The following CLOCK variants were observed in gnomAD, a reference collection of about 807,000 sequenced individuals.
CLOCK encodes the protein circadian locomoter output cycles protein kaput.
In CLOCK, 43 loss-of-function variants were observed where a neutral mutation model predicts 118.4. The ratio of observed to expected loss-of-function variants is 0.36; its 90% CI spans 0.28 to 0.47. The LOEUF (loss-of-function observed/expected upper bound fraction) is 0.47, where lower values mean the gene tolerates loss of function less well. Ranked by LOEUF, CLOCK falls within the 20% of genes least tolerant of loss-of-function variation. The pLI is 1.00. For missense variants in CLOCK, 846 were observed against 999.9 expected (o/e 0.85, Z 2.08); for synonymous variants, 326 against 339.2 (o/e 0.96, Z 0.43).
Position 55,428,213 on chromosome 4 carries a change from C to T in CLOCK, c.*7202G>A, listed in dbSNP as rs1420659845. 1 of 151,980 alleles carries T rather than the reference C, an allele frequency of 6.6e-6. No individual in the cohort carries two copies. Among genetic ancestry groups the T allele is most frequent in the African/African-American group, 2.4e-5 (1 of 41,374 alleles). 9.4% of individuals were successfully genotyped at this position (151,980 alleles called of 1,614,324 possible). A position where few individuals can be genotyped will look rare whatever the true frequency, so the allele number is the denominator to read the frequency against. On this transcript the variant is annotated 3_prime_UTR_variant, in exon 23 of 23. Coordinates refer to ENST00000513440, the MANE Select transcript of CLOCK (RefSeq NM_004898.4). Reference sequence around the variant, plus strand: ...GTTTTAAAAGCTATGCACATCATAACCTGGAATAATGATTACACAGCAAGA... The same window carrying T: ...GTTTTAAAAGCTATGCACATCATAATCTGGAATAATGATTACACAGCAAGA...
rs143500433 is a variant in CLOCK, at chr4:55,438,223, T to C, written c.2361+59A>G. The stretch of plus-strand genomic sequence containing the variant: ...ACTCACAAATCTGTTCACTTAATGC[T>C]TAATTTCATTACATGAAAGTAAATG... On this transcript the variant is annotated intron_variant, in intron 22 of 22. Coordinates refer to ENST00000513440, the MANE Select transcript of CLOCK (RefSeq NM_004898.4). 3.8e-6 allele frequency: 6 copies of C among 1,585,122 alleles called. No individual in the cohort carries two copies. The East Asian group carries it at 1.1e-4, about 30-fold the overall frequency.
At chr4:55,519,914 C>A (rs1357159289) in intron 1 of CLOCK, among the ~76,000 whole-genome samples, 1 of 152,154 alleles carries the variant, frequency 6.6e-6, no homozygotes, top group Non-Finnish European at 1.5e-5. Context: ...GATGCTTCTC[C>A]TTGCCAGGAA....
At chr4:55,458,744 G>A (rs567635458) in intron 11 of CLOCK, 148 bp downstream of exon 11, 207 of 636,064 alleles carry the variant, frequency 3.3e-4, no homozygotes, top group African/African-American at 3.2e-3. Context: ...ACAATTTAAT[G>A]AGTGTCTTGA....
intron 1 of CLOCK, among the ~76,000 whole-genome samples, chr4:55,542,249 C>T: frequency 6.6e-6 from 1 of 150,786 alleles, no homozygotes. Flanking sequence ...AGGGCTAAGG[C>T]AGGAGAATCG....
At chr4:55,501,964 TA>T (rs1308025567) in intron 2 of CLOCK, among the ~76,000 whole-genome samples, 1 of 152,210 alleles carries the variant, frequency 6.6e-6, no homozygotes, top group Non-Finnish European at 1.5e-5. Flanking sequence ...AGGGCTTTTA[TA>T]AAACATAACT....
At chr4:55,503,706 G>A (rs1363328871) in intron 2 of CLOCK, among the ~76,000 whole-genome samples, 5 of 151,950 alleles carry the variant, frequency 3.3e-5, no homozygotes, top group African/African-American at 1.2e-4. Context: ...GTAAAGCTAA[G>A]TTCTACATCA....
At chr4:55,490,782 G>A (rs1028782045) in intron 2 of CLOCK, among the ~76,000 whole-genome samples, 24 of 152,018 alleles carry the variant, frequency 1.6e-4, no homozygotes, top group Non-Finnish European at 2.6e-4. Context: ...ATCCACAGTT[G>A]GTTGAATCCA....
chr4:55,541,584 G>A (rs924185903), intron 1 of CLOCK, among the ~76,000 whole-genome samples: 3 of 152,122 alleles, frequency 2.0e-5, no homozygotes, highest in Non-Finnish European at 4.4e-5. Flanking sequence ...TGTGGAAGAG[G>A]TGACATAATA....
chr4:55,458,833 C>G, intron 11 of CLOCK, 59 bp downstream of exon 11: 2 of 1,211,900 alleles, frequency 1.7e-6, no homozygotes, highest in Admixed American at 3.4e-5. Context: ...CAGGAAGTTT[C>G]AGGCAGCTCT....
intron 2 of CLOCK, among the ~76,000 whole-genome samples, chr4:55,490,415 A>G (rs62303726): frequency 0.25 from 37,398 of 151,920 alleles, 4,932 homozygotes; most frequent in South Asian, 0.37. Context: ...ATACAATAGT[A>G]GCAGGAGATG....
intron 1 of CLOCK, among the ~76,000 whole-genome samples, chr4:55,542,373 A>T (rs146638483): frequency 0.13 from 6,077 of 47,276 alleles, 166 homozygotes; most frequent in South Asian, 0.35. Flanking sequence ...AATAATAATA[A>T]TAATAATATT....
At chr4:55,491,811 G>GT (rs57747045) in intron 2 of CLOCK, among the ~76,000 whole-genome samples, 1 of 151,894 alleles carries the variant, frequency 6.6e-6, no homozygotes, top group Non-Finnish European at 1.5e-5. Flanking sequence ...AGAGTACATA[G>GT]TTTTTTTAAG....
chr4:55,458,836 G>T, intron 11 of CLOCK, 56 bp downstream of exon 11: 1 of 1,239,440 alleles, frequency 8.1e-7, no homozygotes, highest in Non-Finnish European at 1.2e-6. Flanking sequence ...GAAGTTTCAG[G>T]CAGCTCTCAG....
intron 20 of CLOCK, among the ~76,000 whole-genome samples, chr4:55,443,439 C>G (rs1466776970): frequency 6.8e-6 from 1 of 146,292 alleles, no homozygotes; most frequent in East Asian, 2.0e-4. Context: ...CACGCCATTG[C>G]ACTCCAGCCT....
intron 1 of CLOCK, among the ~76,000 whole-genome samples, chr4:55,512,799 A>G (rs1460131210): frequency 6.6e-6 from 1 of 152,184 alleles, no homozygotes; most frequent in African/African-American, 2.4e-5. Context: ...CTCCGGTACC[A>G]TTTGTTGAAA....
At chr4:55,498,453 A>G (rs1262947356) in intron 2 of CLOCK, among the ~76,000 whole-genome samples, 1 of 152,154 alleles carries the variant, frequency 6.6e-6, no homozygotes, top group Non-Finnish European at 1.5e-5. Context: ...AATAATCATT[A>G]TATCTAAGTT....
chr4:55,453,852 T>C (rs774502259), intron 13 of CLOCK, 28 bp from the exon 14 acceptor site: 1 of 1,505,374 alleles, frequency 6.6e-7, no homozygotes. Context: ...AAATATTTTT[T>C]CTTTAATTCA....
chr4:55,497,307 C>G (rs1165237544), intron 2 of CLOCK, among the ~76,000 whole-genome samples: 1 of 152,196 alleles, frequency 6.6e-6, no homozygotes, highest in Non-Finnish European at 1.5e-5. Flanking sequence ...TTTCTTCTGC[C>G]TCTTTCTTCC....
intron 1 of CLOCK, among the ~76,000 whole-genome samples, chr4:55,535,330 CA>C (rs1730822910): frequency 6.6e-6 from 1 of 152,020 alleles, no homozygotes; most frequent in African/African-American, 2.4e-5. Context: ...AAATATACAT[CA>C]AAAACTGAAA....
Sources: gnomAD v4.1 joint callset for allele counts (sites outside exome capture counted in the v4.1 genomes callset) on GRCh38, gnomAD v4.1.1 for gene constraint, MANE v1.5 for transcripts, NCBI Gene and HGNC (gene_info 2026-07-23, HGNC 2026-07-21) for gene names.